The following GGACT variants were observed in gnomAD, a reference collection of about 807,000 sequenced individuals.
The protein encoded by GGACT is gamma-glutamylaminecyclotransferase.
For synonymous variants in GGACT, 118 were observed against 115.3 expected, an observed-to-expected ratio of 1.02 and a Z score of -0.15; for missense variants, 241 against 233.2, an observed-to-expected ratio of 1.03 and a Z score of -0.22.
chr13:100,567,646 T>G (rs1874936683), intron 2 of GGACT, among the ~76,000 whole-genome samples: 1 of 152,226 alleles, frequency 6.6e-6, no homozygotes, highest in Admixed American at 6.5e-5. Flanking sequence ...TATCCACATA[T>G]AAACATACAC....
chr13:100,532,524 C>G lies in GGACT; in HGVS notation c.68G>C (p.Gly23Ala). Reference sequence around the variant, plus strand: ...CCGAAAGGCTGCGGAGCCGTGGGCGCCGTCCCGCAGGACCCTGTGGTTGGG... The same window carrying G: ...CCGAAAGGCTGCGGAGCCGTGGGCGGCGTCCCGCAGGACCCTGTGGTTGGG... ...GQPNHRVLRD[G>A]AHGSAAFRAR... Residue 23 changes from glycine to alanine, a missense_variant, in exon 3 of 3, where the codon GGC becomes GCC. Coordinates refer to ENST00000683975, the MANE Select transcript of GGACT (RefSeq NM_001195087.2). 3 of 1,548,306 alleles carry G rather than the reference C, an allele frequency of 1.9e-6. No homozygotes were observed. In the South Asian group the frequency reaches 3.6e-5, roughly 18 times the overall value.
intron 2 of GGACT, among the ~76,000 whole-genome samples, chr13:100,554,429 T>C (rs556770621): frequency 2.0e-5 from 3 of 152,326 alleles, no homozygotes; most frequent in African/African-American, 4.8e-5. Flanking sequence ...TTCCCTTACA[T>C]TAACGATTTC....
At chr13:100,582,532 A>G (rs968648032) in intron 2 of GGACT, among the ~76,000 whole-genome samples, 2 of 152,224 alleles carry the variant, frequency 1.3e-5, no homozygotes, top group Non-Finnish European at 2.9e-5. Context: ...GGCCCAATCT[A>G]ATCAAATGAG....
intron 2 of GGACT, chr13:100,540,188 T>C (rs2088539612): frequency 1.3e-5 from 20 of 1,534,002 alleles, no homozygotes; most frequent in Non-Finnish European, 1.7e-5. Flanking sequence ...GTGCAGCGAA[T>C]AGGCTGCACG....
At chr13:100,578,060 G>GAT (rs1875305603) in intron 2 of GGACT, among the ~76,000 whole-genome samples, 1 of 152,198 alleles carries the variant, frequency 6.6e-6, no homozygotes, top group African/African-American at 2.4e-5. Context: ...TGTTTTCTAA[G>GAT]AGAGCCCTGA....
chr13:100,580,987 C>T (rs745373819), intron 2 of GGACT, among the ~76,000 whole-genome samples: 7 of 152,180 alleles, frequency 4.6e-5, no homozygotes, highest in Admixed American at 1.3e-4. Context: ...ATGGGAGCCA[C>T]GTTTCTCACT....
At position 100,531,550 on chromosome 13, in the gene GGACT, T is replaced by C. The variant is rs1217840139; in HGVS notation, c.*580A>G. On this transcript the variant is annotated 3_prime_UTR_variant, in exon 3 of 3. Coordinates refer to ENST00000683975, the MANE Select transcript of GGACT (RefSeq NM_001195087.2). ...GGGTCAAACACAGTACCAACACTTTTATATCTGATTTCCCAAAACATCGAC... is the reference window on the plus strand; with the variant it reads ...GGGTCAAACACAGTACCAACACTTTCATATCTGATTTCCCAAAACATCGAC... 1 of 152,286 alleles carries C rather than the reference T, an allele frequency of 6.6e-6. No individual in the cohort carries two copies. The highest frequency in any genetic ancestry group is 1.5e-5 in the Non-Finnish European group (1 of 68,074). The allele number at this position is 152,286 out of a possible 1,614,324, so 9.4% of individuals were successfully genotyped here. A position where few individuals can be genotyped will look rare whatever the true frequency, so the allele number is the denominator to read the frequency against.
chr13:100,534,288 G>A lies in GGACT; in HGVS notation c.-10-1687C>T, dbSNP rs923972144. On this transcript the variant is annotated intron_variant, in intron 2 of 2. Coordinates refer to ENST00000683975, the MANE Select transcript of GGACT (RefSeq NM_001195087.2). This position sits in a 1 kb window ranked among gnomAD's most constrained non-coding sequence, Gnocchi z 4.9. ...AACACAAGGCTAGCCAGATACGTGCGCCCTGTGGGCCTGGCCATGTGATAG... is the reference window on the plus strand; with the variant it reads ...AACACAAGGCTAGCCAGATACGTGCACCCTGTGGGCCTGGCCATGTGATAG... Among the ~76,000 whole-genome samples the A allele has an allele frequency of 2.6e-5, 4 of 152,186 alleles. No individual in the cohort carries two copies. Among genetic ancestry groups the A allele is most frequent in the East Asian group, 1.9e-4 (1 of 5,184 alleles).
chr13:100,574,015 C>T (rs1409841168), intron 2 of GGACT, among the ~76,000 whole-genome samples: 2 of 152,292 alleles, frequency 1.3e-5, no homozygotes, highest in African/African-American at 4.8e-5. Context: ...ACAGACCTAC[C>T]TAGCAATCCC....
intron 1 of GGACT, among the ~76,000 whole-genome samples, chr13:100,584,732 T>C (rs1304699983): frequency 1.3e-5 from 2 of 152,204 alleles, no homozygotes; most frequent in Non-Finnish European, 1.5e-5. Flanking sequence ...AATGAGGGTT[T>C]ATTATTACAC....
intron 2 of GGACT, among the ~76,000 whole-genome samples, chr13:100,570,845 C>G (rs576088317): frequency 6.6e-6 from 1 of 151,946 alleles, no homozygotes; most frequent in Non-Finnish European, 1.5e-5. Context: ...TATAAGGATA[C>G]CCAAAAACGT....
At chr13:100,552,862 T>C (rs1259248252) in intron 2 of GGACT, among the ~76,000 whole-genome samples, 1 of 152,086 alleles carries the variant, frequency 6.6e-6, no homozygotes, top group African/African-American at 2.4e-5. Context: ...GAGAGGACAC[T>C]CTAGAGTGGG....
chr13:100,540,408 T>A (rs2088542256), intron 2 of GGACT, among the ~76,000 whole-genome samples: 1 of 152,230 alleles, frequency 6.6e-6, no homozygotes, highest in African/African-American at 2.4e-5. Context: ...TTTGTTGGCA[T>A]AATTGTTCAT....
chr13:100,550,336 ACACACACACACACACAC>A lies in GGACT; in HGVS notation c.-10-17752_-10-17736del, dbSNP rs2088649090. Among the ~76,000 whole-genome samples, 3 of 118,262 alleles carry A rather than the reference ACACACACACACACACAC, an allele frequency of 2.5e-5. No individual in the cohort carries two copies. In the South Asian group the frequency reaches 8.9e-4, roughly 35 times the overall value. 77.6% of individuals were successfully genotyped at this position (118,262 alleles called of 152,430 possible). Reference sequence around the variant, plus strand: ...CACACACACACACACACACACACACACACACACACACACACACACCACTGGCCCTTCTAAGGAAACTG... The same window carrying A: ...CACACACACACACACACACACACACAACCACTGGCCCTTCTAAGGAAACTG... On this transcript the variant is annotated intron_variant, in intron 2 of 2. Transcript: ENST00000683975.
chr13:100,557,542 G>C (rs1321391791), intron 2 of GGACT, among the ~76,000 whole-genome samples: 1 of 151,858 alleles, frequency 6.6e-6, no homozygotes, highest in Non-Finnish European at 1.5e-5. Context: ...TTTAAACAAT[G>C]GTGCTGGAAC....
At chr13:100,546,921 G>A (rs988684894) in intron 2 of GGACT, among the ~76,000 whole-genome samples, 5 of 152,084 alleles carry the variant, frequency 3.3e-5, no homozygotes, top group African/African-American at 4.8e-5. Flanking sequence ...ACCCCCCTAC[G>A]TCATCTGGCA....
chr13:100,587,781 AT>A (rs1875623883), intron 1 of GGACT, among the ~76,000 whole-genome samples: 1 of 152,236 alleles, frequency 6.6e-6, no homozygotes, highest in African/African-American at 2.4e-5. Flanking sequence ...TAATCCCAAC[AT>A]TTTGGGAGGC....
chr13:100,574,739 C>T (rs1046918242), intron 2 of GGACT, among the ~76,000 whole-genome samples: 7 of 152,080 alleles, frequency 4.6e-5, no homozygotes, highest in Admixed American at 3.3e-4. Context: ...ATGTTCACTA[C>T]CTGGGTACAA....
intron 2 of GGACT, among the ~76,000 whole-genome samples, chr13:100,543,873 G>T (rs374319712): frequency 6.6e-6 from 1 of 152,164 alleles, no homozygotes; most frequent in African/African-American, 2.4e-5. Context: ...ATTTGCTTTT[G>T]TCATTCAATA....
Sources: gnomAD v4.1 joint callset for allele counts (sites outside exome capture counted in the v4.1 genomes callset) on GRCh38, gnomAD v4.1.1 for gene constraint, Gnocchi (gnomAD v3.1) non-coding constraint, MANE v1.5 for transcripts, NCBI Gene and HGNC (gene_info 2026-07-23, HGNC 2026-07-21) for gene names.